Variants in TUSC3 observed in about 807,000 individuals in gnomAD.
TUSC3 encodes the protein tumor suppressor candidate 3, also known as dolichyl-diphosphooligosaccharide--protein glycosyltransferase subunit TUSC3.
In TUSC3, 45 loss-of-function variants were observed where a neutral mutation model predicts 44.8. The observed-to-expected ratio is 1.00, with a 90% CI of 0.79 to 1.29. TUSC3 has a LOEUF of 1.29. Among genes scored for constraint, TUSC3 ranks in the 50% most tolerant of loss-of-function variants. TUSC3 has a pLI of 0.00. For synonymous variants in TUSC3, 212 were observed against 152.9 expected (o/e 1.39, Z -2.85); for missense variants, 519 against 437.9 (o/e 1.19, Z -1.65).
intron 2 of TUSC3, among the ~76,000 whole-genome samples, chr8:15,504,594 TATATATATATATATATATATATATA>T (rs1354208863): frequency 1.0e-4 from 2 of 19,330 alleles, no homozygotes; most frequent in African/African-American, 2.4e-4. Flanking sequence ...TATATATATA[TATATATATATATATATATATATATA>T]TATTTTTTTT....
At chr8:15,769,775 T>C (rs1383761166), downstream of TUSC3, among the ~76,000 whole-genome samples, 2 of 152,166 alleles carry the variant, frequency 1.3e-5, no homozygotes, top group Non-Finnish European at 2.9e-5. Context: ...AACAGACACT[T>C]TTCAAAAGAA....
chr8:15,594,307 A>G (rs1803977912), intron 1 of TUSC3, among the ~76,000 whole-genome samples: 1 of 152,112 alleles, frequency 6.6e-6, no homozygotes, highest in Admixed American at 6.5e-5. Context: ...TAATGTCTTG[A>G]GCATGTAGAT....
At chr8:15,593,900 A>G (rs572826416) in intron 1 of TUSC3, among the ~76,000 whole-genome samples, 18 of 152,218 alleles carry the variant, frequency 1.2e-4, no homozygotes, top group Non-Finnish European at 2.2e-4. Context: ...AATTGTGAGG[A>G]TCTGCTATAA....
At chr8:15,607,088 T>C (rs572800998) in intron 1 of TUSC3, among the ~76,000 whole-genome samples, 1 of 152,230 alleles carries the variant, frequency 6.6e-6, no homozygotes, top group Admixed American at 6.5e-5. Flanking sequence ...TGCTGTTCTC[T>C]CTGATCATAA....
At chr8:15,572,416 T>C (rs548915496) in intron 1 of TUSC3, among the ~76,000 whole-genome samples, 1 of 152,186 alleles carries the variant, frequency 6.6e-6, no homozygotes, top group Non-Finnish European at 1.5e-5. Flanking sequence ...TGAATTAGGC[T>C]TGGTTTAAGG....
At chr8:15,629,474 T>C (rs921328176) in intron 2 of TUSC3, among the ~76,000 whole-genome samples, 3 of 151,776 alleles carry the variant, frequency 2.0e-5, no homozygotes, top group African/African-American at 7.3e-5. Flanking sequence ...ATTCAAATTA[T>C]ATTTCTGAGT....
chr8:15,445,793 C>G (rs1800088166), intron 1 of TUSC3, among the ~76,000 whole-genome samples: 1 of 152,234 alleles, frequency 6.6e-6, no homozygotes, highest in Non-Finnish European at 1.5e-5. Context: ...GACAAAACCA[C>G]CATCGTCATC....
intron 6 of TUSC3, among the ~76,000 whole-genome samples, chr8:15,723,952 C>A (rs1382688973): frequency 6.6e-6 from 1 of 152,122 alleles, no homozygotes; most frequent in African/African-American, 2.4e-5. Flanking sequence ...GAACTGAATT[C>A]TTTCCCTCTA....
At chr8:15,822,640 T>C in the TUSC3 span, among the ~76,000 whole-genome samples, 409 of 152,150 alleles carry the variant, frequency 2.7e-3, 2 homozygotes, top group Middle Eastern at 0.01. Context: ...CTTTGGGGAA[T>C]TCATGTTAAG....
At chr8:15,814,451 G>C in the TUSC3 span, among the ~76,000 whole-genome samples, 21,353 of 152,194 alleles carry the variant, frequency 0.14, 1,657 homozygotes, top group East Asian at 0.25. Context: ...ATAGATGCCT[G>C]ATTTTAAGCT....
intron 6 of TUSC3, among the ~76,000 whole-genome samples, chr8:15,715,386 C>T (rs1188073962): frequency 2.6e-5 from 4 of 151,762 alleles, no homozygotes. Flanking sequence ...TGTACTATAC[C>T]CACTCTTCTT....
chr8:15,581,302 C>T (rs1481886007), intron 1 of TUSC3, among the ~76,000 whole-genome samples: 12 of 148,236 alleles, frequency 8.1e-5, no homozygotes, highest in Admixed American at 7.4e-4. Context: ...TCGTCTGAAG[C>T]CTTCTTCTCT....
intron 1 of TUSC3, among the ~76,000 whole-genome samples, chr8:15,447,708 A>G (rs925322158): frequency 7.1e-6 from 1 of 141,334 alleles, no homozygotes. Context: ...TTTTTTTTTT[A>G]CTTACTTTTA....
chr8:15,510,806 A>C lies in TUSC3; in HGVS notation n.189+27323A>C, dbSNP rs1445017798. On this transcript the variant is annotated intron_variant and non_coding_transcript_variant, in intron 2 of 5. Coordinates refer to the TUSC3 transcript ENST00000503191. ...AACAGAAAGACAAATATCCCTCATG[A>C]CTATGGACACAAACATTCGAAACAA... Among the ~76,000 whole-genome samples the C allele has an allele frequency of 7.2e-5, 11 of 152,184 alleles. 1 individual carries two copies. Among genetic ancestry groups the C allele is most frequent in the Non-Finnish European group, 1.3e-4 (9 of 68,026 alleles).
intron 1 of TUSC3, among the ~76,000 whole-genome samples, chr8:15,596,477 A>G (rs1472727479): frequency 6.6e-6 from 1 of 152,152 alleles, no homozygotes; most frequent in African/African-American, 2.4e-5. Flanking sequence ...CATGTTCCGC[A>G]AGACCAACTG....
chr8:15,495,568 C>G (rs62502462), intron 2 of TUSC3, among the ~76,000 whole-genome samples: 47,351 of 151,938 alleles, frequency 0.31, 8,433 homozygotes, highest in Admixed American at 0.45. Flanking sequence ...TATTCTTTGT[C>G]TAGCAGCCCT....
At chr8:15,658,808 G>C (rs1807291613) in intron 3 of TUSC3, among the ~76,000 whole-genome samples, 1 of 151,906 alleles carries the variant, frequency 6.6e-6, no homozygotes, top group Non-Finnish European at 1.5e-5. Flanking sequence ...GTTTATACGA[G>C]GGTAGTGTTC....
At chr8:15,549,506 A>G (rs184447234) in intron 1 of TUSC3, among the ~76,000 whole-genome samples, 2 of 151,694 alleles carry the variant, frequency 1.3e-5, no homozygotes, top group Admixed American at 6.6e-5. Context: ...GTGTGCCTAT[A>G]ATTGATTGGT....
chr8:15,419,056 A>G (rs1799693239), intron 1 of TUSC3, among the ~76,000 whole-genome samples: 1 of 152,126 alleles, frequency 6.6e-6, no homozygotes, highest in Non-Finnish European at 1.5e-5. Flanking sequence ...TTGCAGCCAA[A>G]TTTCATGTGG....
Sources: gnomAD v4.1 joint callset for allele counts (sites outside exome capture counted in the v4.1 genomes callset) on GRCh38, gnomAD v4.1.1 for gene constraint, MANE v1.5 for transcripts, NCBI Gene and HGNC (gene_info 2026-07-23, HGNC 2026-07-21) for gene names.